ARMC3: variants seen among roughly 807,000 people sequenced by gnomAD.
ARMC3 encodes armadillo repeat-containing protein 3.
Under a neutral mutation model 90.3 loss-of-function variants are expected in ARMC3, and 74 were observed. The observed-to-expected ratio is 0.82, with a 90% CI of 0.68 to 0.99. ARMC3 has a LOEUF of 0.99. Ranked by LOEUF, ARMC3 falls within the 50% of genes least tolerant of loss-of-function variation. The probability of loss-of-function intolerance (pLI) is 0.00; values close to 1 mark genes in which losing one functional copy is unlikely to be tolerated. For missense variants in ARMC3, 958 were observed against 1,042.8 expected (o/e 0.92, Z 1.12); for synonymous variants, 334 against 361.8 (o/e 0.92, Z 0.87).
intron 18 of ARMC3, among the ~76,000 whole-genome samples, chr10:23,036,199 C>T (rs949368017): frequency 6.6e-6 from 1 of 152,118 alleles, no homozygotes; most frequent in African/African-American, 2.4e-5. Flanking sequence ...CTCTCTACCC[C>T]ACTGAACTAT....
chr10:22,961,973 G>T lies in ARMC3; in HGVS notation c.627G>T (p.Leu209Phe). Residue 209 changes from leucine (L) to phenylalanine (F), a missense_variant, in exon 7 of 19, where the codon TTG (leucine) becomes TTT (phenylalanine). By Grantham distance (22) the Leu-to-Phe change is conservative. Transcript: ENST00000298032. Reference sequence around the variant, plus strand: ...AGTCAGAATATCCAGTGATTCAGTTGTTGGCTCTCAAAACCTTAGGTGTTA... The same window carrying T: ...AGTCAGAATATCCAGTGATTCAGTTTTTGGCTCTCAAAACCTTAGGTGTTA... ...LLKSEYPVIQ[L>F]LALKTLGVIA... 6.2e-7 allele frequency: 1 copy of T among 1,612,656 alleles called. No individual in the cohort carries two copies. Among genetic ancestry groups the T allele is most frequent in the Non-Finnish European group, 8.5e-7 (1 of 1,179,146 alleles).
chr10:23,027,731 G>GT (rs1253774805), intron 16 of ARMC3, among the ~76,000 whole-genome samples: 1 of 152,116 alleles, frequency 6.6e-6, no homozygotes, highest in South Asian at 2.1e-4. Flanking sequence ...TATTCAATGT[G>GT]TTTTTTTCTA....
chr10:22,981,045 T>TGACA (rs1836161378), intron 8 of ARMC3, among the ~76,000 whole-genome samples: 1 of 152,236 alleles, frequency 6.6e-6, no homozygotes, highest in Admixed American at 6.5e-5. Flanking sequence ...GTCAGGTGCA[T>TGACA]GACAGGTGTT....
intron 8 of ARMC3, among the ~76,000 whole-genome samples, chr10:22,979,053 C>A (rs1836069513): frequency 1.3e-5 from 2 of 152,156 alleles, no homozygotes; most frequent in African/African-American, 2.4e-5. Flanking sequence ...TACCATGTTG[C>A]CATGAGGTTT....
intron 16 of ARMC3, among the ~76,000 whole-genome samples, chr10:23,024,882 C>T (rs1042752631): frequency 1.3e-5 from 2 of 152,082 alleles, no homozygotes; most frequent in African/African-American, 4.8e-5. Flanking sequence ...CATAGGTAGG[C>T]TGAAAGTAAA....
intron 8 of ARMC3, among the ~76,000 whole-genome samples, chr10:22,972,225 T>C (rs988192529): frequency 6.6e-6 from 1 of 152,226 alleles, no homozygotes; most frequent in African/African-American, 2.4e-5. Flanking sequence ...TTGGCTATGC[T>C]GTTTGCTGTT....
intron 11 of ARMC3, among the ~76,000 whole-genome samples, chr10:22,999,353 G>A (rs1837172797): frequency 6.6e-6 from 1 of 152,180 alleles, no homozygotes; most frequent in Non-Finnish European, 1.5e-5. Context: ...TTCGAGGCCA[G>A]CCTGGGCAAC....
intron 14 of ARMC3, among the ~76,000 whole-genome samples, chr10:23,007,335 TAC>T (rs752776588): frequency 6.6e-6 from 1 of 151,850 alleles, no homozygotes; most frequent in Non-Finnish European, 1.5e-5. Flanking sequence ...TGTGCTGGAG[TAC>T]AGTTACCACC....
chr10:22,968,318 C>T lies in ARMC3; in HGVS notation c.745C>T (p.Leu249Phe). Reference sequence around the variant, plus strand: ...CTTTTATTATTAGGAATTGAATGACCTTCATATAGAAGCACTTGCAGTGAT... The same window carrying T: ...CTTTTATTATTAGGAATTGAATGACTTTCATATAGAAGCACTTGCAGTGAT... ...KILETKELND[L>F]HIEALAVIAN... Residue 249 changes from leucine to phenylalanine, a missense_variant, in exon 8 of 19, where the codon CTT (leucine) becomes TTT (phenylalanine). Leu to Phe is a conservative substitution (Grantham distance 22, BLOSUM62 0). Transcript: ENST00000298032. The T allele has an allele frequency of 6.2e-7, 1 of 1,613,622 alleles. No homozygotes were observed. The highest frequency in any genetic ancestry group is 8.5e-7 in the Non-Finnish European group (1 of 1,179,674).
At chr10:22,928,416 T>G (rs1833799169) in intron 1 of ARMC3, among the ~76,000 whole-genome samples, 1 of 152,150 alleles carries the variant, frequency 6.6e-6, no homozygotes, top group Non-Finnish European at 1.5e-5. Context: ...TGAGCCCTCC[T>G]CCTCTTTAAA....
chr10:23,016,052 A>C (rs1838256524), intron 16 of ARMC3, among the ~76,000 whole-genome samples: 1 of 152,070 alleles, frequency 6.6e-6, no homozygotes, highest in African/African-American at 2.4e-5. Context: ...TCCTATCTCT[A>C]CTTTGAACAA....
chr10:22,928,378 G>C (rs977797598), intron 1 of ARMC3, among the ~76,000 whole-genome samples: 1 of 152,178 alleles, frequency 6.6e-6, no homozygotes, highest in Non-Finnish European at 1.5e-5. Context: ...ACTTGACTGT[G>C]AGCAACTCAG....
At chr10:23,026,318 C>T (rs1452883668) in intron 16 of ARMC3, among the ~76,000 whole-genome samples, 1 of 152,018 alleles carries the variant, frequency 6.6e-6, no homozygotes, top group Non-Finnish European at 1.5e-5. Context: ...TCCTCATGAA[C>T]ATAGATCCCT....
intron 3 of ARMC3, chr10:22,955,247 C>A (rs1004042410): frequency 6.6e-6 from 1 of 152,326 alleles, no homozygotes; most frequent in Non-Finnish European, 1.5e-5. Flanking sequence ...TTAGCTCAGT[C>A]GCTTTGGCAC....
chr10:22,960,180 C>T (rs11013210), intron 6 of ARMC3: 36,393 of 168,330 alleles, frequency 0.22, 4,185 homozygotes, highest in Non-Finnish European at 0.24. Flanking sequence ...CTCACGCCCA[C>T]AGCAGGTCAG....
rs199641472 is a variant in ARMC3, at chr10:23,007,025, CTTG to C, written c.1829+56_1829+58del. 1,294 of 1,457,054 alleles carry C rather than the reference CTTG, an allele frequency of 8.9e-4. 11 individuals carry two copies. The African/African-American group carries it at 0.015, about 16-fold the overall frequency. 90.3% of individuals were successfully genotyped at this position (1,457,054 alleles called of 1,614,324 possible). On this transcript the variant is annotated intron_variant, in intron 14 of 18. Coordinates refer to ENST00000298032, the MANE Select transcript of ARMC3 (RefSeq NM_173081.5). Reference sequence around the variant, plus strand: ...AGGGGATGAAGGGAAGCACATACTGCTTGTTGTTGTTGTTTCTCCACCAACGTG... The same window carrying C: ...AGGGGATGAAGGGAAGCACATACTGCTTGTTGTTGTTTCTCCACCAACGTG...
intron 8 of ARMC3, among the ~76,000 whole-genome samples, chr10:22,979,493 A>G (rs1328556006): frequency 6.6e-6 from 1 of 152,194 alleles, no homozygotes; most frequent in Non-Finnish European, 1.5e-5. Context: ...TTGTAAATGT[A>G]CTGTTTTCTG....
chr10:22,993,886 C>G (rs1161292100), intron 10 of ARMC3, among the ~76,000 whole-genome samples: 1 of 152,166 alleles, frequency 6.6e-6, no homozygotes, highest in African/African-American at 2.4e-5. Context: ...GCCATAGACG[C>G]TATTTGTGTT....
chr10:22,968,489 C>A lies in ARMC3; in HGVS notation c.916C>A (p.Pro306Thr). The change falls in exon 8 of 19, where the codon CCT becomes ACT. Residue 306 changes from proline to threonine, a missense_variant and splice_region_variant. Physicochemically the swap from Pro to Thr is conservative, Grantham distance 38 (BLOSUM62 -1). Transcript: ENST00000298032. ...AGCCATTACTAAAGCAGCTTATGATCGTATGTCTCATTTTATTTTATTTAT... is the reference window on the plus strand; with the variant it reads ...AGCCATTACTAAAGCAGCTTATGATAGTATGTCTCATTTTATTTTATTTAT... ...AKAITKAAYD[P>T]ENRKLFHEQE... 1.9e-6 allele frequency: 3 copies of A among 1,566,092 alleles called. No homozygotes were observed. Among genetic ancestry groups the A allele is most frequent in the Admixed American group, 4.0e-5 (2 of 49,490 alleles).
Sources: allele counts gnomAD v4.1 joint callset (sites outside exome capture counted in the v4.1 genomes callset), GRCh38; gene constraint gnomAD v4.1.1; transcripts MANE v1.5; gene names NCBI Gene and HGNC (gene_info 2026-07-23, HGNC 2026-07-21).